RTL4: variants seen among roughly 807,000 people sequenced by gnomAD.
RTL4 encodes retrotransposon Gag like 4, also known as retrotransposon Gag-like protein 4.
In RTL4, 4 loss-of-function variants were observed where a neutral mutation model predicts 5.3. The observed-to-expected ratio is 0.75, with a 90% CI of 0.37 to 1.72. RTL4 has a LOEUF of 1.72. Among genes scored for constraint, RTL4 ranks in the 40% most tolerant of loss-of-function variants. The probability of loss-of-function intolerance (pLI) is 0.04; values close to 1 mark genes in which losing one functional copy is unlikely to be tolerated. For missense variants in RTL4, 260 were observed against 227.1 expected, an observed-to-expected ratio of 1.14 and a Z score of -0.93; for synonymous variants, 98 against 87.3, an observed-to-expected ratio of 1.12 and a Z score of -0.68.
chrX:112,165,334 A>G, the RTL4 span, among the ~76,000 whole-genome samples: 1 of 112,414 alleles, frequency 8.9e-6, no homozygotes, highest in African/African-American at 3.2e-5. Flanking sequence ...TAAAATGCCA[A>G]AAGAAATACA....
the RTL4 span, among the ~76,000 whole-genome samples, chrX:112,330,136 C>A: frequency 3.1e-5 from 3 of 98,187 alleles, no homozygotes; most frequent in African/African-American, 1.2e-4. Context: ...TCCTATTCAA[C>A]ATAGTGTTGG....
the RTL4 span, among the ~76,000 whole-genome samples, chrX:112,310,774 TAA>T: frequency 2.5e-5 from 2 of 80,067 alleles, no homozygotes; most frequent in African/African-American, 5.2e-5. Context: ...ATATTATATA[TAA>T]TATATATTAA....
the RTL4 span, among the ~76,000 whole-genome samples, chrX:112,200,243 C>T: frequency 8.9e-6 from 1 of 111,870 alleles, no homozygotes; most frequent in East Asian, 2.8e-4. Context: ...ACTGTCCGTG[C>T]CAACATGCAA....
chrX:112,284,636 T>C, the RTL4 span, among the ~76,000 whole-genome samples: 1 of 111,218 alleles, frequency 9.0e-6, no homozygotes, highest in African/African-American at 3.3e-5. Context: ...CTTTGCATTG[T>C]TCAGGTTGTA....
chrX:112,186,954 G>T, the RTL4 span, among the ~76,000 whole-genome samples: 1 of 112,027 alleles, frequency 8.9e-6, no homozygotes, highest in Non-Finnish European at 1.9e-5. Flanking sequence ...TGGTGAATGA[G>T]AGGAGAGAGA....
the RTL4 span, among the ~76,000 whole-genome samples, chrX:112,119,228 G>A: frequency 9.1e-6 from 1 of 110,415 alleles, no homozygotes; most frequent in Non-Finnish European, 1.9e-5. Context: ...TGGTAGTCAA[G>A]GGAAGACAGA....
At chrX:112,310,756 A>T in the RTL4 span, among the ~76,000 whole-genome samples, 2 of 78,957 alleles carry the variant, frequency 2.5e-5, no homozygotes, top group Non-Finnish European at 4.4e-5. Context: ...ATAAAATAAT[A>T]TATTTCAATA....
chrX:112,307,950 C>G, the RTL4 span, among the ~76,000 whole-genome samples: 1 of 111,341 alleles, frequency 9.0e-6, no homozygotes, highest in Admixed American at 9.7e-5. Context: ...TGTATTAGCC[C>G]CATTTGATAG....
At chrX:112,161,575 C>A in the RTL4 span, among the ~76,000 whole-genome samples, 1 of 111,152 alleles carries the variant, frequency 9.0e-6, no homozygotes, top group South Asian at 3.9e-4. Flanking sequence ...CAGAGAACAG[C>A]ATGGGGGAGA....
chrX:112,343,109 CA>C, the RTL4 span, among the ~76,000 whole-genome samples: 1 of 111,238 alleles, frequency 9.0e-6, no homozygotes, highest in Non-Finnish European at 1.9e-5. Flanking sequence ...GATTCCGTCT[CA>C]AAAAAAGGTA....
At chrX:112,208,096 C>A in the RTL4 span, among the ~76,000 whole-genome samples, 1,894 of 111,620 alleles carry the variant, frequency 0.017, 41 homozygotes, top group African/African-American at 0.059. Context: ...GCATCTACTG[C>A]AAAGCCAGGG....
chrX:112,294,291 A>G, the RTL4 span, among the ~76,000 whole-genome samples: 22 of 111,495 alleles, frequency 2.0e-4, no homozygotes, highest in Non-Finnish European at 3.6e-4. Context: ...AGTGTGTCCT[A>G]GGATTACTCA....
At chrX:112,380,236 T>A in the RTL4 span, among the ~76,000 whole-genome samples, 1 of 108,876 alleles carries the variant, frequency 9.2e-6, no homozygotes, top group Non-Finnish European at 1.9e-5. Context: ...AAGCTCCGCC[T>A]CCCGGGTTCA....
At chrX:112,176,478 G>A in the RTL4 span, among the ~76,000 whole-genome samples, 1 of 111,577 alleles carries the variant, frequency 9.0e-6, no homozygotes, top group Admixed American at 9.5e-5. Context: ...GCCACATTCA[G>A]CAGTGTGATG....
the RTL4 span, among the ~76,000 whole-genome samples, chrX:112,311,184 G>T: frequency 9.1e-6 from 1 of 109,987 alleles, no homozygotes; most frequent in South Asian, 3.9e-4. Context: ...AAATTTTGGG[G>T]ATTGTGAGTA....
the RTL4 span, among the ~76,000 whole-genome samples, chrX:112,341,951 C>T: frequency 9.0e-6 from 1 of 111,403 alleles, no homozygotes; most frequent in African/African-American, 3.3e-5. Context: ...GTACACGGTG[C>T]CAGTGACTAA....
chrX:112,431,778 G>A, the RTL4 span, among the ~76,000 whole-genome samples: 11 of 107,712 alleles, frequency 1.0e-4, no homozygotes, highest in African/African-American at 3.7e-4. Context: ...TGTGCACAAT[G>A]TGCAGGTTAG....
At chrX:112,313,159 A>AT in the RTL4 span, among the ~76,000 whole-genome samples, 6 of 110,124 alleles carry the variant, frequency 5.4e-5, no homozygotes, top group Middle Eastern at 4.7e-3. Context: ...TAGAAAGGAC[A>AT]TTTTTTTTTC....
chrX:112,241,894 A>G, the RTL4 span, among the ~76,000 whole-genome samples: 1 of 112,356 alleles, frequency 8.9e-6, no homozygotes, highest in East Asian at 2.8e-4. Context: ...GAAGGGATCC[A>G]GTTTCAGCTT....
Sources: gnomAD v4.1 joint callset for allele counts (sites outside exome capture counted in the v4.1 genomes callset) on GRCh38, gnomAD v4.1.1 for gene constraint, MANE v1.5 for transcripts, NCBI Gene and HGNC (gene_info 2026-07-23, HGNC 2026-07-21) for gene names.